The following ADK variants were observed in gnomAD, a reference collection of about 807,000 sequenced individuals.
ADK encodes the protein N6,N6-dimethyladenosine kinase.
In ADK, 24 loss-of-function variants were observed where a neutral mutation model predicts 44.7. The ratio of observed to expected loss-of-function variants is 0.54; its 90% CI spans 0.39 to 0.76. ADK has a LOEUF of 0.76. Among genes scored for constraint, ADK ranks in the 30% least tolerant of loss-of-function variants. The probability of loss-of-function intolerance (pLI) is 0.00; values close to 1 mark genes in which losing one functional copy is unlikely to be tolerated. For missense variants in ADK, 321 were observed against 425.1 expected, an observed-to-expected ratio of 0.76 and a Z score of 2.15; for synonymous variants, 128 against 142.6, an observed-to-expected ratio of 0.90 and a Z score of 0.73.
At chr10:74,481,231 G>T (rs973976092) in intron 6 of ADK, among the ~76,000 whole-genome samples, 1 of 152,012 alleles carries the variant, frequency 6.6e-6, no homozygotes, top group African/African-American at 2.4e-5. Flanking sequence ...AGATAAATTT[G>T]GTTTCAGATT....
intron 3 of ADK, among the ~76,000 whole-genome samples, chr10:74,306,344 A>G (rs1840247967): frequency 6.6e-6 from 1 of 151,656 alleles, no homozygotes; most frequent in Admixed American, 6.6e-5. Context: ...CACTTTTTCT[A>G]GCTGTCTGAA....
chr10:74,289,500 A>G (rs904143873), intron 3 of ADK, among the ~76,000 whole-genome samples: 12 of 152,128 alleles, frequency 7.9e-5, no homozygotes, highest in African/African-American at 2.9e-4. Context: ...AAACACTTAA[A>G]AAAAATGTAC....
chr10:74,267,754 T>TTTTGTGTGTGTGTGTGTGTGTGTGTG (rs1554835954), intron 3 of ADK, among the ~76,000 whole-genome samples: 2 of 132,734 alleles, frequency 1.5e-5, no homozygotes, highest in Non-Finnish European at 3.2e-5. Context: ...ATATCCTTAT[T>TTTTGTGTGTGTGTGTGTGTGTGTGTG]TGTGTGTGTG....
chr10:74,312,823 A>G (rs1340644014), intron 3 of ADK, among the ~76,000 whole-genome samples: 1 of 135,320 alleles, frequency 7.4e-6, no homozygotes, highest in Admixed American at 8.4e-5. Flanking sequence ...CTGAGGCGGG[A>G]GGATCCCTTG....
chr10:74,469,826 A>G (rs1324452777), intron 6 of ADK, among the ~76,000 whole-genome samples: 3 of 151,700 alleles, frequency 2.0e-5, no homozygotes, highest in Middle Eastern at 3.4e-3. Flanking sequence ...CCACCATTCC[A>G]CTCTGATTCC....
At chr10:74,184,021 A>G (rs923364043) in intron 1 of ADK, among the ~76,000 whole-genome samples, 42 of 151,982 alleles carry the variant, frequency 2.8e-4, no homozygotes, top group Admixed American at 2.3e-3. Flanking sequence ...GATTCAAGCA[A>G]TTCTCCCTGC....
intron 6 of ADK, among the ~76,000 whole-genome samples, chr10:74,450,876 A>G (rs1013299570): frequency 2.0e-5 from 3 of 152,098 alleles, no homozygotes; most frequent in Admixed American, 6.5e-5. Context: ...TTAATTAACT[A>G]TACTATCTTT....
At chr10:74,499,941 A>G (rs1847834255) in intron 6 of ADK, among the ~76,000 whole-genome samples, 1 of 152,162 alleles carries the variant, frequency 6.6e-6, no homozygotes, top group Admixed American at 6.5e-5. Context: ...AGATAAGTCA[A>G]TAGATGAATG....
chr10:74,232,890 C>T (rs1844833321), intron 3 of ADK, among the ~76,000 whole-genome samples: 1 of 152,160 alleles, frequency 6.6e-6, no homozygotes, highest in Non-Finnish European at 1.5e-5. Flanking sequence ...TCCCAAAGTG[C>T]TGAGATTACA....
At chr10:74,216,753 C>T (rs116077805) in intron 2 of ADK, among the ~76,000 whole-genome samples, 4,707 of 150,504 alleles carry the variant, frequency 0.031, 265 homozygotes, top group African/African-American at 0.11. Flanking sequence ...AAAAAAGTTT[C>T]ACAGACAAAA....
chr10:74,381,406 G>A lies in ADK; in HGVS notation c.274-12735G>A, dbSNP rs186368239. On this transcript the variant is annotated intron_variant, in intron 4 of 10. Coordinates refer to ENST00000539909, the MANE Select transcript of ADK (RefSeq NM_006721.4). ...CTTTATAGATTCCTTTGCCTTAAAT[G>A]CTTACTAACTCAGGTAGAGGAAAGC... 3.9e-5 allele frequency among the ~76,000 whole-genome samples: 6 copies of A among 152,260 alleles called. No homozygotes were observed. The East Asian group carries it at 1.2e-3, about 29-fold the overall frequency.
intron 4 of ADK, among the ~76,000 whole-genome samples, chr10:74,342,641 T>G (rs1020860187): frequency 2.8e-4 from 42 of 152,284 alleles, no homozygotes; most frequent in African/African-American, 1.0e-3. Context: ...GCCTGGCTAA[T>G]TTTTAATTTT....
intron 4 of ADK, among the ~76,000 whole-genome samples, chr10:74,360,683 T>C (rs962904570): frequency 2.0e-5 from 3 of 152,204 alleles, no homozygotes; most frequent in African/African-American, 7.2e-5. Context: ...CCTTTATCAT[T>C]ATATTATGAT....
At chr10:74,515,667 T>A (rs370694224) in intron 6 of ADK, among the ~76,000 whole-genome samples, 51 of 152,286 alleles carry the variant, frequency 3.3e-4, no homozygotes, top group African/African-American at 1.2e-3. Flanking sequence ...AGGTTCTGAT[T>A]GCTTGCAGGT....
chr10:74,171,314 G>A (rs1842154380), intron 1 of ADK, among the ~76,000 whole-genome samples: 1 of 152,116 alleles, frequency 6.6e-6, no homozygotes, highest in African/African-American at 2.4e-5. Context: ...ATTCTTTATA[G>A]TAGAAATGTA....
intron 2 of ADK, among the ~76,000 whole-genome samples, chr10:74,222,555 TGC>T (rs1426824104): frequency 6.6e-6 from 1 of 152,178 alleles, no homozygotes; most frequent in Admixed American, 6.6e-5. Context: ...TAAAGACACA[TGC>T]ACACGTTTGT....
chr10:74,652,046 C>CTTTTTTTTTTTTTT lies in ADK; in HGVS notation c.878-18134_878-18133insTTTTTTTTTTTTTT, dbSNP rs1401635840. On this transcript the variant is annotated intron_variant, in intron 9 of 10. Coordinates refer to ENST00000539909, the MANE Select transcript of ADK (RefSeq NM_006721.4). ...GAAGGGATATGAAGGAACTTTCTTT[C>CTTTTTTTTTTTTTT]TTTCTTTTTTTTTTTTTTTGAGACA... Among the ~76,000 whole-genome samples the CTTTTTTTTTTTTTT allele has an allele frequency of 2.9e-5, 4 of 138,554 alleles. 2 individuals are homozygous for CTTTTTTTTTTTTTT. 90.9% of individuals were successfully genotyped at this position (138,554 alleles called of 152,430 possible). A position where few individuals can be genotyped will look rare whatever the true frequency, so the allele number is the denominator to read the frequency against.
chr10:74,458,329 G>A (rs1424162477), intron 6 of ADK, among the ~76,000 whole-genome samples: 8 of 142,484 alleles, frequency 5.6e-5, no homozygotes, highest in African/African-American at 1.8e-4. Context: ...GCAGAGACAG[G>A]GGGTTTTCTA....
chr10:74,444,952 G>A (rs1046638786), intron 6 of ADK, among the ~76,000 whole-genome samples: 1 of 151,912 alleles, frequency 6.6e-6, no homozygotes, highest in African/African-American at 2.4e-5. Context: ...AAAGGTGTAG[G>A]TTAGAAAAGA....
Sources: gnomAD v4.1 joint callset for allele counts (sites outside exome capture counted in the v4.1 genomes callset) on GRCh38, gnomAD v4.1.1 for gene constraint, MANE v1.5 for transcripts, NCBI Gene and HGNC (gene_info 2026-07-23, HGNC 2026-07-21) for gene names.